The following ARHGAP15 variants were observed in gnomAD, a reference collection of about 807,000 sequenced individuals.
ARHGAP15 encodes rho GTPase-activating protein 15.
ARHGAP15 carries 51 observed loss-of-function variants against 63.7 expected under a neutral mutation model. The observed-to-expected ratio is 0.80, with a 90% confidence interval of 0.64 to 1.01. ARHGAP15 has a LOEUF of 1.01. Ranked by LOEUF, ARHGAP15 falls within the 50% of genes least tolerant of loss-of-function variation. The pLI is 0.00. For synonymous variants in ARHGAP15, 191 were observed against 193.8 expected, an observed-to-expected ratio of 0.99 and a Z score of 0.12; for missense variants, 560 against 564.6, an observed-to-expected ratio of 0.99 and a Z score of 0.08.
At chr2:143,715,624 C>T (rs1684777934) in intron 13 of ARHGAP15, among the ~76,000 whole-genome samples, 1 of 152,110 alleles carries the variant, frequency 6.6e-6, no homozygotes, top group African/African-American at 2.4e-5. Flanking sequence ...TATATTAGAC[C>T]TTTGTCAGAT....
At chr2:143,630,583 A>G (rs1243779371) in intron 12 of ARHGAP15, among the ~76,000 whole-genome samples, 1 of 152,090 alleles carries the variant, frequency 6.6e-6, no homozygotes, top group Non-Finnish European at 1.5e-5. Context: ...TTTATCAACT[A>G]TGGATAATAT....
At chr2:143,679,677 G>A (rs1045708724) in intron 12 of ARHGAP15, among the ~76,000 whole-genome samples, 2 of 132,334 alleles carry the variant, frequency 1.5e-5, no homozygotes, top group South Asian at 2.5e-4. Flanking sequence ...GTGTGTGTGT[G>A]TGTGTGTATG....
chr2:143,272,199 A>AG (rs1681320936), intron 6 of ARHGAP15, among the ~76,000 whole-genome samples: 1 of 152,250 alleles, frequency 6.6e-6, no homozygotes, highest in African/African-American at 2.4e-5. Context: ...CACACATGGT[A>AG]GGCTGATGAT....
chr2:143,583,876 A>G (rs1202626385), intron 11 of ARHGAP15, among the ~76,000 whole-genome samples: 4 of 152,186 alleles, frequency 2.6e-5, no homozygotes, highest in Admixed American at 2.6e-4. Flanking sequence ...TTTATTGGTT[A>G]AGAAAACCAG....
chr2:143,213,047 C>G (rs938344556), intron 3 of ARHGAP15, among the ~76,000 whole-genome samples: 1 of 152,084 alleles, frequency 6.6e-6, no homozygotes, highest in African/African-American at 2.4e-5. Flanking sequence ...AGAAAAGGAG[C>G]AGGAATATCT....
intron 6 of ARHGAP15, among the ~76,000 whole-genome samples, chr2:143,403,010 G>A (rs1199059978): frequency 1.3e-5 from 2 of 151,700 alleles, no homozygotes; most frequent in Non-Finnish European, 2.9e-5. Context: ...GATTTAAAAG[G>A]ATTCAAGTAA....
intron 11 of ARHGAP15, among the ~76,000 whole-genome samples, chr2:143,557,450 G>A (rs1695854887): frequency 6.6e-6 from 1 of 152,030 alleles, no homozygotes; most frequent in African/African-American, 2.4e-5. Flanking sequence ...AAAGATGAGT[G>A]GAAGCAGTAG....
At chr2:143,536,113 G>A (rs772468322) in intron 10 of ARHGAP15, among the ~76,000 whole-genome samples, 9 of 152,176 alleles carry the variant, frequency 5.9e-5, no homozygotes, top group Admixed American at 2.0e-4. Flanking sequence ...AACTGTAGTC[G>A]TCTTGCTATC....
intron 13 of ARHGAP15, among the ~76,000 whole-genome samples, chr2:143,759,725 G>C (rs773257962): frequency 6.6e-6 from 1 of 152,052 alleles, no homozygotes; most frequent in African/African-American, 2.4e-5. Context: ...TGTGCACCTC[G>C]ACAGGACTCT....
intron 6 of ARHGAP15, among the ~76,000 whole-genome samples, chr2:143,335,773 T>C (rs1574294713): frequency 6.6e-6 from 1 of 151,216 alleles, no homozygotes; most frequent in Admixed American, 6.6e-5. Context: ...GTGGTAGGAG[T>C]CTGAGTAAAT....
chr2:143,169,918 G>T (rs1393441949), intron 2 of ARHGAP15, among the ~76,000 whole-genome samples: 1 of 151,966 alleles, frequency 6.6e-6, no homozygotes, highest in East Asian at 1.9e-4. Context: ...GGAAGTCAAA[G>T]CCAGATGTAA....
At chr2:143,709,778 G>C (rs1053401445) in intron 13 of ARHGAP15, among the ~76,000 whole-genome samples, 4 of 152,266 alleles carry the variant, frequency 2.6e-5, no homozygotes, top group Admixed American at 2.6e-4. Context: ...GGTTGTATCA[G>C]AAAACAATGG....
intron 13 of ARHGAP15, among the ~76,000 whole-genome samples, chr2:143,727,965 T>A (rs1206567260): frequency 6.6e-6 from 1 of 152,246 alleles, no homozygotes; most frequent in Non-Finnish European, 1.5e-5. Flanking sequence ...CTGAATTTTT[T>A]AAAAATGTGT....
At chr2:143,221,340 A>G (rs1692991130) in intron 4 of ARHGAP15, among the ~76,000 whole-genome samples, 2 of 152,216 alleles carry the variant, frequency 1.3e-5, no homozygotes, top group Admixed American at 6.5e-5. Flanking sequence ...AAGGAAAGAT[A>G]AATTATTGGC....
At chr2:143,184,937 T>TTCCCAAAGTGTTGGGAA (rs1691383989) in intron 2 of ARHGAP15, among the ~76,000 whole-genome samples, 2 of 151,786 alleles carry the variant, frequency 1.3e-5, no homozygotes, top group Admixed American at 1.3e-4. Context: ...CCCTCGTTGG[T>TTCCCAAAGTGTTGGGAA]TTCCCAAAGT....
At position 143,573,191 on chromosome 2, in the gene ARHGAP15, T is replaced by C. The variant is rs114511969; in HGVS notation, c.1003+16706T>C. Among the ~76,000 whole-genome samples, 817 of 152,286 alleles carry C rather than the reference T, an allele frequency of 5.4e-3. 5 individuals are homozygous for C. Among genetic ancestry groups the C allele is most frequent in the African/African-American group, 0.019 (780 of 41,568 alleles). ...ACAGAAAGATGCCTTAAAGCAAAAC[T>C]TCACATTTCTTATCTGCTAAAAGCA... On this transcript the variant is annotated intron_variant, in intron 11 of 13. Transcript: ENST00000295095.
intron 11 of ARHGAP15, among the ~76,000 whole-genome samples, chr2:143,591,157 A>G: frequency 6.6e-6 from 1 of 152,198 alleles, no homozygotes; most frequent in Non-Finnish European, 1.5e-5. Context: ...CCAAAAGTAT[A>G]CATTTGGTGC....
In ARHGAP15 at chr2:143,379,745, T is replaced by C. The variant is rs1268437296; in HGVS notation, c.475-55856T>C. ...AATCTGAAATAATTATTAATAAATT[T>C]CCCTTTTTCAAGTAAATATACTTCA... is the stretch of plus-strand genomic sequence containing the variant. On this transcript the variant is annotated intron_variant, in intron 6 of 13. Transcript: ENST00000295095. Among the ~76,000 whole-genome samples the C allele has an allele frequency of 2.6e-5, 4 of 151,960 alleles. No homozygotes were observed. The East Asian group carries it at 7.7e-4, about 29-fold the overall frequency.
At chr2:143,152,174 G>A (rs1016946308) in intron 1 of ARHGAP15, among the ~76,000 whole-genome samples, 3 of 151,976 alleles carry the variant, frequency 2.0e-5, no homozygotes, top group African/African-American at 7.2e-5. Flanking sequence ...TAAGCGAGAT[G>A]ATCAGATATC....
Sources: allele counts gnomAD v4.1 joint callset (sites outside exome capture counted in the v4.1 genomes callset), GRCh38; gene constraint gnomAD v4.1.1; transcripts MANE v1.5; gene names NCBI Gene and HGNC (gene_info 2026-07-23, HGNC 2026-07-21).